ZNF487: variants seen among roughly 807,000 people sequenced by gnomAD.
ZNF487 encodes KRAB domain only 1.
Under a neutral mutation model 3.0 loss-of-function variants are expected in ZNF487, and 4 were observed. The ratio of observed to expected loss-of-function variants is 1.35; its 90% CI spans 0.66 to 3.08. The LOEUF is 3.08. ZNF487 is among the 30% of genes most tolerant of loss of function. The probability of loss-of-function intolerance (pLI) is 0.01; values close to 1 mark genes in which losing one functional copy is unlikely to be tolerated. For missense variants in ZNF487, 146 were observed against 98.7 expected (o/e 1.48, Z -2.03); for synonymous variants, 55 against 34.6 (o/e 1.59, Z -2.06).
At chr10:43,440,438 C>A (rs1839557317) in intron 1 of ZNF487, among the ~76,000 whole-genome samples, 1 of 151,886 alleles carries the variant, frequency 6.6e-6, no homozygotes, top group Non-Finnish European at 1.5e-5. Flanking sequence ...GGTAGGATCA[C>A]CTGAGATCAG....
the ZNF487 span, among the ~76,000 whole-genome samples, chr10:43,522,702 C>A: frequency 6.6e-6 from 1 of 151,842 alleles, no homozygotes; most frequent in Non-Finnish European, 1.5e-5. Flanking sequence ...CCATTGCAAT[C>A]CAGCCTGGGC....
the ZNF487 span, among the ~76,000 whole-genome samples, chr10:43,507,073 A>G: frequency 1.4e-4 from 22 of 152,236 alleles, no homozygotes; most frequent in South Asian, 8.3e-4. Flanking sequence ...GAGGATTGTT[A>G]TTTGACTGTA....
the ZNF487 span, among the ~76,000 whole-genome samples, chr10:43,506,331 T>C: frequency 6.6e-6 from 1 of 151,956 alleles, no homozygotes; most frequent in Non-Finnish European, 1.5e-5. Context: ...TTGGGTAACA[T>C]AGTGAGACTT....
At chr10:43,448,238 C>G (rs1003074144) in intron 1 of ZNF487, among the ~76,000 whole-genome samples, 2 of 151,898 alleles carry the variant, frequency 1.3e-5, no homozygotes, top group East Asian at 3.9e-4. Flanking sequence ...ATCCACCTGC[C>G]TCAGCCTCCC....
At chr10:43,465,020 G>T (rs543248322) in intron 1 of ZNF487, among the ~76,000 whole-genome samples, 3,927 of 137,138 alleles carry the variant, frequency 0.029, 86 homozygotes, top group Non-Finnish European at 0.039. Flanking sequence ...CCTCCCTCCC[G>T]GACGGGGCGG....
chr10:43,448,987 C>G (rs1589025193), intron 1 of ZNF487, among the ~76,000 whole-genome samples: 1 of 139,370 alleles, frequency 7.2e-6, no homozygotes, highest in Admixed American at 7.3e-5. Context: ...GAGTAAGAAC[C>G]TGTCTCCGAA....
the ZNF487 span, among the ~76,000 whole-genome samples, chr10:43,502,383 G>T: frequency 6.6e-5 from 10 of 152,196 alleles, no homozygotes; most frequent in Non-Finnish European, 1.0e-4. Flanking sequence ...GGCCTGTCGT[G>T]GGGTGGGGGG....
chr10:43,450,075 C>T (rs1340598223), intron 1 of ZNF487, among the ~76,000 whole-genome samples: 1 of 152,082 alleles, frequency 6.6e-6, no homozygotes, highest in Admixed American at 6.6e-5. Flanking sequence ...CGGAGTTTTG[C>T]TCTTTTTGCC....
At position 43,482,380 on chromosome 10, in the gene ZNF487, A is replaced by G. The variant is rs1564430665; in HGVS notation, c.*458A>G. 6.5e-6 allele frequency: 3 copies of G among 465,064 alleles called. No individual in the cohort carries two copies. Among genetic ancestry groups the G allele is most frequent in the South Asian group, 4.6e-5 (3 of 64,642 alleles). 28.8% of individuals were successfully genotyped at this position (465,064 alleles called of 1,614,324 possible). A position where few individuals can be genotyped will look rare whatever the true frequency, so the allele number is the denominator to read the frequency against. On this transcript the variant is annotated 3_prime_UTR_variant, in exon 4 of 4. Coordinates refer to ENST00000437590, the MANE Select transcript of ZNF487 (RefSeq NM_001355444.3). ...TCAGCCATAAATCCTCTTTTATCCT[A>G]CAGCAGAGGATACACAGAGGAGAGA... is the stretch of plus-strand genomic sequence containing the variant.
the ZNF487 span, chr10:43,523,265 GAGA>G: frequency 1.3e-5 from 2 of 152,288 alleles, no homozygotes; most frequent in African/African-American, 2.4e-5. Flanking sequence ...TGACCTGATG[GAGA>G]AGAACCAGGA....
the ZNF487 span, among the ~76,000 whole-genome samples, chr10:43,507,646 G>A: frequency 6.6e-6 from 1 of 152,188 alleles, no homozygotes. Context: ...GCTTAGTATG[G>A]CTGCTTACCA....
intron 1 of ZNF487, among the ~76,000 whole-genome samples, chr10:43,447,593 G>T (rs1256706641): frequency 6.6e-6 from 1 of 152,156 alleles, no homozygotes; most frequent in African/African-American, 2.4e-5. Context: ...ACTATTCCAT[G>T]CCCTGTGTGA....
downstream of ZNF487, among the ~76,000 whole-genome samples, chr10:43,483,817 C>T (rs1263374451): frequency 6.6e-6 from 1 of 152,094 alleles, no homozygotes; most frequent in Non-Finnish European, 1.5e-5. Flanking sequence ...TGTGAACCAC[C>T]ATGCCTGACC....
At chr10:43,466,681 G>A (rs1840719254) in intron 1 of ZNF487, among the ~76,000 whole-genome samples, 1 of 152,022 alleles carries the variant, frequency 6.6e-6, no homozygotes, top group African/African-American at 2.4e-5. Flanking sequence ...GATTACAGGC[G>A]TGAGCCACCA....
chr10:43,439,353 T>C (rs1452119660), intron 1 of ZNF487, among the ~76,000 whole-genome samples: 1 of 152,026 alleles, frequency 6.6e-6, no homozygotes, highest in African/African-American at 2.4e-5. Context: ...TGAGCCATGA[T>C]TGCACTGCTG....
At chr10:43,448,995 G>GAAAA (rs928786631) in intron 1 of ZNF487, among the ~76,000 whole-genome samples, 3 of 56,328 alleles carry the variant, frequency 5.3e-5, no homozygotes, top group African/African-American at 2.1e-4. Flanking sequence ...ACCTGTCTCC[G>GAAAA]AAAAAAAAAA....
chr10:43,448,025 T>C (rs1370477614), intron 1 of ZNF487, among the ~76,000 whole-genome samples: 1 of 134,228 alleles, frequency 7.5e-6, no homozygotes, highest in African/African-American at 2.7e-5. Context: ...AGTCTCACTC[T>C]GTCGCCCAGG....
chr10:43,490,471 A>G, the ZNF487 span, among the ~76,000 whole-genome samples: 9 of 137,834 alleles, frequency 6.5e-5, no homozygotes, highest in Non-Finnish European at 1.1e-4. Context: ...TCTTACTGTT[A>G]TAGCCTGAGT....
At chr10:43,519,785 A>G in the ZNF487 span, among the ~76,000 whole-genome samples, 2 of 152,298 alleles carry the variant, frequency 1.3e-5, no homozygotes, top group Middle Eastern at 3.4e-3. Context: ...GTTCTTTAAC[A>G]AGCCTCACGT....
Sources: gnomAD v4.1 joint callset for allele counts (sites outside exome capture counted in the v4.1 genomes callset) on GRCh38, gnomAD v4.1.1 for gene constraint, MANE v1.5 for transcripts, NCBI Gene and HGNC (gene_info 2026-07-23, HGNC 2026-07-21) for gene names.